Variants in TANC2 observed in about 807,000 individuals in gnomAD.
TANC2 encodes the protein tetratricopeptide repeat, ankyrin repeat and coiled-coil containing 2.
Under a neutral mutation model 210.5 loss-of-function variants are expected in TANC2, and 26 were observed. The observed-to-expected ratio is 0.12, with a 90% CI of 0.09 to 0.17. TANC2 has a LOEUF of 0.17. TANC2 is among the 10% of genes least tolerant of loss of function. The pLI is 1.00. For missense variants in TANC2, 2,129 were observed against 2,608.9 expected (o/e 0.82, Z 4.01); for synonymous variants, 931 against 967.1 (o/e 0.96, Z 0.69).
At chr17:63,370,546 T>A (rs890556644) in intron 14 of TANC2, among the ~76,000 whole-genome samples, 2 of 152,240 alleles carry the variant, frequency 1.3e-5, no homozygotes, top group Admixed American at 6.5e-5. Context: ...CCTCATAAAC[T>A]AATTTTCTTG....
chr17:63,243,882 C>T (rs2042845288), intron 8 of TANC2, among the ~76,000 whole-genome samples: 1 of 152,170 alleles, frequency 6.6e-6, no homozygotes, highest in East Asian at 1.9e-4. Context: ...TAGTTCATCC[C>T]TAAAGAACTG....
At chr17:63,163,820 A>G (rs2040110802) in intron 5 of TANC2, among the ~76,000 whole-genome samples, 1 of 152,224 alleles carries the variant, frequency 6.6e-6, no homozygotes, top group Non-Finnish European at 1.5e-5. Flanking sequence ...ATCCTATTCT[A>G]AGGATATCTG....
intron 5 of TANC2, among the ~76,000 whole-genome samples, chr17:63,192,391 G>A (rs1032193877): frequency 6.6e-6 from 1 of 152,202 alleles, no homozygotes; most frequent in Non-Finnish European, 1.5e-5. Flanking sequence ...AGAAAGGGTT[G>A]CAGTTATCTG....
At chr17:63,314,344 G>C (rs769207252) in intron 9 of TANC2, 44 bp from the exon 10 acceptor site, 1 of 1,600,026 alleles carries the variant, frequency 6.2e-7, no homozygotes, top group East Asian at 2.2e-5. Context: ...TTCTCTCAAT[G>C]TTGACAGTTT....
At chr17:63,056,655 G>A (rs2035817564) in intron 2 of TANC2, among the ~76,000 whole-genome samples, 2 of 152,062 alleles carry the variant, frequency 1.3e-5, no homozygotes, top group South Asian at 2.1e-4. Flanking sequence ...CTCCAGCCTG[G>A]GTGACAGAGC....
chr17:62,979,144 A>G (rs145045250), intron 1 of TANC2, among the ~76,000 whole-genome samples: 2,079 of 152,076 alleles, frequency 0.014, 24 homozygotes, highest in Middle Eastern at 0.024. Context: ...TCCTTTCTTT[A>G]TAAGTGTCTT....
intron 3 of TANC2, among the ~76,000 whole-genome samples, chr17:63,090,232 C>G (rs945440419): frequency 7.9e-6 from 1 of 126,054 alleles, no homozygotes; most frequent in Non-Finnish European, 1.7e-5. Flanking sequence ...TTTTTTTGTA[C>G]TTTAAGTTCT....
intron 2 of TANC2, among the ~76,000 whole-genome samples, chr17:63,043,064 A>G (rs1329291946): frequency 1.3e-5 from 2 of 152,076 alleles, no homozygotes; most frequent in African/African-American, 4.8e-5. Flanking sequence ...ACCTATTTCA[A>G]TTGATTTTTA....
chr17:63,066,747 T>C (rs2036213540), intron 2 of TANC2, among the ~76,000 whole-genome samples: 1 of 149,476 alleles, frequency 6.7e-6, no homozygotes. Flanking sequence ...AATGAAAGCT[T>C]TTTTTTTTTT....
At chr17:63,417,963 G>A (rs1405597171) in intron 26 of TANC2, among the ~76,000 whole-genome samples, 1 of 152,246 alleles carries the variant, frequency 6.6e-6, no homozygotes, top group Non-Finnish European at 1.5e-5. Flanking sequence ...GTGTGCGTTT[G>A]CCTCCTACAT....
intron 2 of TANC2, among the ~76,000 whole-genome samples, chr17:63,019,399 G>A (rs1042204697): frequency 1.2e-4 from 18 of 151,874 alleles, no homozygotes; most frequent in African/African-American, 4.4e-4. Context: ...TGTATTTTTT[G>A]TAGAGACTGG....
rs928309852 is a variant in TANC2, at chr17:63,135,526, CT to C, written c.323-15735del. Among the ~76,000 whole-genome samples the C allele has an allele frequency of 6.1e-3, 918 of 150,494 alleles. 11 individuals are homozygous for C. Among genetic ancestry groups the C allele is most frequent in the African/African-American group, 0.021 (881 of 41,134 alleles). On this transcript the variant is annotated intron_variant, in intron 4 of 27. Coordinates refer to ENST00000689528, the Ensembl canonical transcript of TANC2. ...AAGAGAAGTCATCAATCACTTTTAGCTTTTTTTTTGTTGACAGTAATACTTT... is the reference window on the plus strand; with the variant it reads ...AAGAGAAGTCATCAATCACTTTTAGCTTTTTTTTGTTGACAGTAATACTTT...
intron 7 of TANC2, among the ~76,000 whole-genome samples, chr17:63,217,526 GAAAT>G (rs1278789415): frequency 2.0e-5 from 3 of 152,194 alleles, no homozygotes; most frequent in Non-Finnish European, 4.4e-5. Flanking sequence ...CAAGTTCATT[GAAAT>G]AAATAAACTA....
intron 2 of TANC2, among the ~76,000 whole-genome samples, chr17:63,019,234 T>G (rs958999998): frequency 2.6e-5 from 4 of 152,138 alleles, no homozygotes; most frequent in African/African-American, 9.7e-5. Flanking sequence ...TTATTTATTA[T>G]GGGGACAGAG....
intron 21 of TANC2, 71 bp downstream of exon 21, chr17:63,406,348 A>G (rs2048506568): frequency 5.0e-6 from 8 of 1,591,546 alleles, no homozygotes; most frequent in South Asian, 3.3e-5. Context: ...ATTTCCAGCA[A>G]TGGATCCCAG....
intron 2 of TANC2, among the ~76,000 whole-genome samples, chr17:63,048,287 G>A (rs570344585): frequency 6.6e-6 from 1 of 152,232 alleles, no homozygotes; most frequent in East Asian, 1.9e-4. Context: ...TTTGGGTTGA[G>A]TATTGAGAAT....
intron 1 of TANC2, among the ~76,000 whole-genome samples, chr17:63,008,409 G>A (rs2033720573): frequency 6.6e-6 from 1 of 151,964 alleles, no homozygotes; most frequent in African/African-American, 2.4e-5. Context: ...GATATTTTCT[G>A]TTGACCTGTG....
intron 14 of TANC2, among the ~76,000 whole-genome samples, chr17:63,370,053 T>C (rs1423556181): frequency 1.3e-5 from 2 of 152,220 alleles, no homozygotes; most frequent in Non-Finnish European, 2.9e-5. Flanking sequence ...AGCCTTTTGC[T>C]ATAAACCTCA....
At chr17:63,239,046 G>T (rs2042700564) in intron 8 of TANC2, among the ~76,000 whole-genome samples, 1 of 152,018 alleles carries the variant, frequency 6.6e-6, no homozygotes, top group Non-Finnish European at 1.5e-5. Context: ...TAGCATGGTG[G>T]CTCATGCCTG....
Sources: gnomAD v4.1 joint callset for allele counts (sites outside exome capture counted in the v4.1 genomes callset) on GRCh38, gnomAD v4.1.1 for gene constraint, MANE v1.5 for transcripts, NCBI Gene and HGNC (gene_info 2026-07-23, HGNC 2026-07-21) for gene names.